DIP2A: variants seen among roughly 807,000 people sequenced by gnomAD.
DIP2A encodes the protein DIP2 acetate--CoA ligase A, also known as disco-interacting protein 2 homolog A.
In DIP2A, 85 loss-of-function variants were observed where a neutral mutation model predicts 177.4. The ratio of observed to expected loss-of-function variants is 0.48; its 90% CI spans 0.40 to 0.57. The LOEUF (loss-of-function observed/expected upper bound fraction) is 0.57, where lower values mean the gene tolerates loss of function less well. DIP2A is among the 20% of genes least tolerant of loss of function. The probability of loss-of-function intolerance (pLI) is 0.00; values close to 1 mark genes in which losing one functional copy is unlikely to be tolerated. For missense variants in DIP2A, 1,791 were observed against 2,100.2 expected (o/e 0.85, Z 2.88); for synonymous variants, 886 against 881.8 (o/e 1.00, Z -0.08).
intron 32 of DIP2A, chr21:46,559,172 G>C (rs1038965083): frequency 2.7e-5 from 4 of 149,414 alleles, no homozygotes; most frequent in African/African-American, 9.9e-5. Flanking sequence ...CGGCAGTTCT[G>C]TTTATTGCTT....
In DIP2A at chr21:46,538,587, G is replaced by A. The variant is rs1351885978; in HGVS notation, c.1906G>A (p.Asp636Asn). ...LSSLRMLIVA[D>N]GANPWSISSC... ...CTCACTGCGCATGCTGATTGTGGCCGATGGTGCCAACCCGTGTGAGTGAGC... is the reference window on the plus strand; with the variant it reads ...CTCACTGCGCATGCTGATTGTGGCCAATGGTGCCAACCCGTGTGAGTGAGC... Residue 636 changes from aspartate (D) to asparagine (N), a missense_variant, in exon 16 of 38, where the codon GAT becomes AAT. Physicochemically the swap from Asp to Asn is conservative, Grantham distance 23. Coordinates refer to ENST00000417564, the MANE Select transcript of DIP2A (RefSeq NM_015151.4). The A allele has an allele frequency of 3.1e-5, 48 of 1,555,136 alleles. No individual in the cohort carries two copies. The highest frequency in any genetic ancestry group is 4.7e-5 in the South Asian group (4 of 84,308).
intron 21 of DIP2A, chr21:46,547,273 T>A: frequency 2.4e-6 from 3 of 1,259,586 alleles, no homozygotes; most frequent in Non-Finnish European, 3.0e-6. Flanking sequence ...AAGGTTTTGA[T>A]GTAAAATTTG....
chr21:46,522,304 T>A (rs2058856719), intron 8 of DIP2A, among the ~76,000 whole-genome samples: 1 of 152,226 alleles, frequency 6.6e-6, no homozygotes, highest in Admixed American at 6.5e-5. Context: ...AGACAGAAGA[T>A]CCAGGAGACG....
intron 13 of DIP2A, 142 bp downstream of exon 13, chr21:46,534,829 G>C: frequency 1.5e-6 from 1 of 685,064 alleles, no homozygotes; most frequent in Non-Finnish European, 2.5e-6. Context: ...ATGCCAGGTA[G>C]GGAGATGCAC....
chr21:46,541,062 A>G (rs1447853645), intron 17 of DIP2A, among the ~76,000 whole-genome samples: 2 of 151,870 alleles, frequency 1.3e-5, no homozygotes, highest in Non-Finnish European at 2.9e-5. Flanking sequence ...ACTTAACATT[A>G]AAAAAACGCT....
At chr21:46,542,003 C>T in intron 18 of DIP2A, 108 bp downstream of exon 18, 1 of 1,380,660 alleles carries the variant, frequency 7.2e-7, no homozygotes. Context: ...GGCTGGAGTG[C>T]AGTGGTGTGA....
chr21:46,551,595 A>G, intron 23 of DIP2A, 39 bp from the exon 24 acceptor site: 1 of 1,555,284 alleles, frequency 6.4e-7, no homozygotes. Context: ...TATATATGAG[A>G]AGTCACCAGC....
At chr21:46,543,399 C>T (rs558467416) in intron 18 of DIP2A, among the ~76,000 whole-genome samples, 12 of 152,272 alleles carry the variant, frequency 7.9e-5, no homozygotes, top group Admixed American at 6.5e-4. Flanking sequence ...CATGCGTGCA[C>T]AGCGCTCCCG....
At chr21:46,464,555 G>A (rs2148249484) in intron 1 of DIP2A, among the ~76,000 whole-genome samples, 1 of 152,268 alleles carries the variant, frequency 6.6e-6, no homozygotes, top group East Asian at 1.9e-4. Flanking sequence ...AGTTCCAGAG[G>A]ATGGAAGTCC....
chr21:46,472,353 A>G (rs992388082), intron 1 of DIP2A, among the ~76,000 whole-genome samples: 4 of 152,242 alleles, frequency 2.6e-5, no homozygotes, highest in Non-Finnish European at 5.9e-5. Context: ...CGGCAGCCTG[A>G]ACAGACGGAC....
rs368211230 is a variant in DIP2A at position 46,549,798 on chromosome 21, G to A, written c.2550G>A (p.Leu850=). 17 of 1,613,660 alleles carry A rather than the reference G, an allele frequency of 1.1e-5. No homozygotes were observed. Among genetic ancestry groups the A allele is most frequent in the Non-Finnish European group, 1.4e-5 (16 of 1,180,050 alleles). ...GRIAVFSVTV[L]HDDRIVLVAE... Reference sequence around the variant, plus strand: ...TCGCTGTGTTCTCTGTGACCGTGCTGCACGACGACCGGATTGTCCTGGTGG... The same window carrying A: ...TCGCTGTGTTCTCTGTGACCGTGCTACACGACGACCGGATTGTCCTGGTGG... Residue 850 remains leucine (L), a synonymous_variant, in exon 22 of 38, where the codon CTG becomes CTA. Transcript: ENST00000417564.
chr21:46,460,900 A>G (rs1447835986), intron 1 of DIP2A, among the ~76,000 whole-genome samples: 1 of 151,768 alleles, frequency 6.6e-6, no homozygotes, highest in Non-Finnish European at 1.5e-5. Flanking sequence ...CACCATGTTG[A>G]CCAGGCTGGT....
At chr21:46,526,397 C>CTTTTTTTTTT (rs1357295827) in intron 8 of DIP2A, among the ~76,000 whole-genome samples, 1 of 138,992 alleles carries the variant, frequency 7.2e-6, no homozygotes. Context: ...ACGTTCATTC[C>CTTTTTTTTTT]TTTTTTTTTT....
rs745702063 is a variant in DIP2A at position 46,534,014 on chromosome 21, G to T, written c.1440G>T (p.Pro480=). Residue 480 remains proline (P), a synonymous_variant, in exon 12 of 38, where the codon CCG becomes CCT. Transcript: ENST00000417564. The stretch of plus-strand genomic sequence containing the variant: ...GTCTGTGTGTCACAGGTTGGCCCCC[G>T]CTCTCCTGGCTAGTGATTGATGGGA... ...GEVAAFKGWP[P]LSWLVIDGKH... 2 of 1,613,106 alleles carry T rather than the reference G, an allele frequency of 1.2e-6. No individual in the cohort carries two copies. The highest frequency in any genetic ancestry group is 1.7e-6 in the Non-Finnish European group (2 of 1,179,518).
At chr21:46,520,685 T>C (rs951978911) in intron 8 of DIP2A, among the ~76,000 whole-genome samples, 2 of 152,232 alleles carry the variant, frequency 1.3e-5, no homozygotes, top group African/African-American at 4.8e-5. Context: ...TTTTGATTAC[T>C]TCTGTGACAT....
chr21:46,503,692 T>C (rs1373765508), intron 5 of DIP2A, among the ~76,000 whole-genome samples: 1 of 150,130 alleles, frequency 6.7e-6, no homozygotes, highest in East Asian at 1.9e-4. Context: ...TTTTCTTTCT[T>C]TCTTCTTTCT....
At chr21:46,579,802 G>A in the DIP2A span, among the ~76,000 whole-genome samples, 19 of 152,226 alleles carry the variant, frequency 1.2e-4, no homozygotes, top group Admixed American at 7.8e-4. Context: ...TTTTGATTCT[G>A]CTGTGGTCTG....
intron 21 of DIP2A, among the ~76,000 whole-genome samples, chr21:46,548,418 G>A (rs376622620): frequency 1.1e-4 from 16 of 152,306 alleles, no homozygotes; most frequent in African/African-American, 3.8e-4. Context: ...TAGCCTCCCT[G>A]TCCCCACTAG....
rs767089681 is a variant in DIP2A, at chr21:46,549,907, A to G, written c.2637+22A>G. 2.3e-5 allele frequency: 37 copies of G among 1,607,518 alleles called. No individual in the cohort carries two copies. In the East Asian group the frequency reaches 4.7e-4, roughly 20 times the overall value. On this transcript the variant is annotated intron_variant, in intron 22 of 37. Coordinates refer to ENST00000417564, the MANE Select transcript of DIP2A (RefSeq NM_015151.4). Reference sequence around the variant, plus strand: ...GCAGGTGGGCGCCCCGGCACGGCCTATGGTTCGGTGAATCTCCCAAGCTGG... The same window carrying G: ...GCAGGTGGGCGCCCCGGCACGGCCTGTGGTTCGGTGAATCTCCCAAGCTGG...
Sources: gnomAD v4.1 joint callset for allele counts (sites outside exome capture counted in the v4.1 genomes callset) on GRCh38, gnomAD v4.1.1 for gene constraint, MANE v1.5 for transcripts, NCBI Gene and HGNC (gene_info 2026-07-23, HGNC 2026-07-21) for gene names.